SLC35D1: variants seen among roughly 807,000 people sequenced by gnomAD.
SLC35D1 encodes solute carrier family 35 member D1, also known as nucleotide sugar transporter SLC35D1.
SLC35D1 carries 31 observed loss-of-function variants against 46.7 expected under a neutral mutation model. That is an observed-to-expected ratio of 0.66 (90% CI 0.50 to 0.90). SLC35D1 has a LOEUF of 0.90. SLC35D1 is among the 40% of genes least tolerant of loss of function. The pLI, the probability that SLC35D1 is intolerant of heterozygous loss-of-function variation, is 0.00. For missense variants in SLC35D1, 397 were observed against 426.2 expected, an observed-to-expected ratio of 0.93 and a Z score of 0.60; for synonymous variants, 195 against 164.6, an observed-to-expected ratio of 1.18 and a Z score of -1.41.
the SLC35D1 span, among the ~76,000 whole-genome samples, chr1:66,973,756 TTAAATG>T: frequency 6.6e-6 from 1 of 152,126 alleles, no homozygotes. Context: ...GTCTTGGAGA[TTAAATG>T]TAGGAAATTA....
At chr1:67,042,434 C>T (rs954787928) in intron 7 of SLC35D1, 106 bp from the exon 8 acceptor site, 5 of 911,046 alleles carry the variant, frequency 5.5e-6, no homozygotes, top group South Asian at 1.3e-5. Context: ...ACACACACAC[C>T]CTCCCCTACA....
chr1:67,006,887 G>A (rs1269131594), intron 11 of SLC35D1, among the ~76,000 whole-genome samples: 1 of 152,120 alleles, frequency 6.6e-6, no homozygotes, highest in African/African-American at 2.4e-5. Flanking sequence ...TGATCATCCT[G>A]TTATCATTCA....
chr1:66,996,584 A>G (rs1667240467), downstream of SLC35D1, among the ~76,000 whole-genome samples: 1 of 152,182 alleles, frequency 6.6e-6, no homozygotes, highest in South Asian at 2.1e-4. Flanking sequence ...GGCCCCAGTG[A>G]ACTCAGTCTG....
chr1:66,975,177 A>G, the SLC35D1 span, among the ~76,000 whole-genome samples: 7 of 152,236 alleles, frequency 4.6e-5, no homozygotes, highest in African/African-American at 1.7e-4. Context: ...GCAGAAATTT[A>G]TGGGATAAAG....
chr1:67,047,660 A>G (rs1354795907), intron 6 of SLC35D1, among the ~76,000 whole-genome samples: 1 of 152,138 alleles, frequency 6.6e-6, no homozygotes, highest in African/African-American at 2.4e-5. Context: ...AACAAGCACC[A>G]AATTACCATT....
Position 67,009,181 on chromosome 1 carries a change from T to G in SLC35D1, c.877-14A>C. The G allele has an allele frequency of 9.8e-7, 1 of 1,024,740 alleles. No homozygotes were observed. Among genetic ancestry groups the G allele is most frequent in the Non-Finnish European group, 1.5e-6 (1 of 685,500 alleles). 63.5% of individuals were successfully genotyped at this position (1,024,740 alleles called of 1,614,324 possible). A position where few individuals can be genotyped will look rare whatever the true frequency, so the allele number is the denominator to read the frequency against. ...TATTAATATATTCTAAAAATAAAAA[T>G]AGTAATATACTGTTATATAGGTTTA... On this transcript the variant is annotated splice_polypyrimidine_tract_variant and intron_variant, in intron 10 of 11. Transcript: ENST00000235345.
chr1:66,984,663 G>T, the SLC35D1 span: 10 of 1,613,796 alleles, frequency 6.2e-6, no homozygotes, highest in Admixed American at 1.2e-4. Flanking sequence ...GTGGAAATAA[G>T]AAACCACTTC....
At chr1:67,024,106 A>G (rs912407151) in intron 8 of SLC35D1, among the ~76,000 whole-genome samples, 1 of 151,148 alleles carries the variant, frequency 6.6e-6, no homozygotes, top group African/African-American at 2.4e-5. Flanking sequence ...CACCACACCC[A>G]GCTAATTTTT....
intron 10 of SLC35D1, among the ~76,000 whole-genome samples, chr1:67,019,251 C>T (rs1667748700): frequency 6.6e-6 from 1 of 152,136 alleles, no homozygotes; most frequent in African/African-American, 2.4e-5. Context: ...ATGCTGAAGA[C>T]GAAAGCCATC....
intron 8 of SLC35D1, among the ~76,000 whole-genome samples, chr1:67,022,339 G>A (rs1029403768): frequency 6.6e-6 from 1 of 152,134 alleles, no homozygotes; most frequent in Non-Finnish European, 1.5e-5. Context: ...TGCTACTTCC[G>A]CATAAATCTG....
chr1:66,984,961 T>C, the SLC35D1 span: 1 of 1,499,480 alleles, frequency 6.7e-7, no homozygotes, highest in Middle Eastern at 2.1e-4. Context: ...TTTTCAGGGT[T>C]GATGGGTTAC....
the SLC35D1 span, among the ~76,000 whole-genome samples, chr1:66,988,896 A>G: frequency 2.0e-5 from 3 of 152,220 alleles, no homozygotes; most frequent in African/African-American, 4.8e-5. Flanking sequence ...GAAGGCAGCA[A>G]AGTGTTAATG....
At chr1:67,013,944 C>T (rs927130967) in intron 10 of SLC35D1, among the ~76,000 whole-genome samples, 1 of 152,208 alleles carries the variant, frequency 6.6e-6, no homozygotes, top group Non-Finnish European at 1.5e-5. Flanking sequence ...GGTTTCATAG[C>T]ATTTTTCTTT....
rs568429397 is a variant in SLC35D1 at position 67,029,881 on chromosome 1, T to A, written c.730-8279A>T. On this transcript the variant is annotated intron_variant, in intron 8 of 11. Coordinates refer to ENST00000235345, the MANE Select transcript of SLC35D1 (RefSeq NM_015139.3). The stretch of plus-strand genomic sequence containing the variant: ...TTAACTGTTTCTTACACTATCAGTT[T>A]GCCCTGTTTCCTGCGCCCCACGCCC... Among the ~76,000 whole-genome samples, 5 of 152,364 alleles carry A rather than the reference T, an allele frequency of 3.3e-5. No individual in the cohort carries two copies. The East Asian group carries it at 9.6e-4, about 29-fold the overall frequency.
At chr1:66,982,382 GTA>G in the SLC35D1 span, among the ~76,000 whole-genome samples, 1 of 152,092 alleles carries the variant, frequency 6.6e-6, no homozygotes, top group Admixed American at 6.6e-5. Context: ...GATAAAGCCG[GTA>G]TCAACCTGTA....
chr1:67,054,088 T>G lies in SLC35D1; in HGVS notation c.-75A>C, dbSNP rs1346188015. ...CCTGCAGCGGCAGCTCCCAGGGGAC[T>G]CCAGGAGTTGGGGACCGCAGACTAG... is the stretch of plus-strand genomic sequence containing the variant. On this transcript the variant is annotated 5_prime_UTR_variant, in exon 1 of 12. Coordinates refer to ENST00000235345, the MANE Select transcript of SLC35D1 (RefSeq NM_015139.3). 8.7e-6 allele frequency: 13 copies of G among 1,493,210 alleles called. No homozygotes were observed. The highest frequency in any genetic ancestry group is 1.4e-5 in the African/African-American group (1 of 71,438). The allele number at this position is 1,493,210 out of a possible 1,614,324, so 92.5% of individuals were successfully genotyped here.
the SLC35D1 span, chr1:66,985,085 G>T: frequency 7.5e-7 from 1 of 1,326,558 alleles, no homozygotes; most frequent in Non-Finnish European, 9.7e-7. Flanking sequence ...AAAGCTGTCA[G>T]ACTCTTTTAA....
chr1:67,013,106 C>T (rs2102249950), intron 10 of SLC35D1, among the ~76,000 whole-genome samples: 1 of 110,124 alleles, frequency 9.1e-6, no homozygotes, highest in African/African-American at 4.3e-5. Context: ...TAATTAAAAA[C>T]TGATATTCAA....
At chr1:67,030,788 T>C (rs548466719) in intron 8 of SLC35D1, among the ~76,000 whole-genome samples, 2 of 152,188 alleles carry the variant, frequency 1.3e-5, no homozygotes, top group Non-Finnish European at 2.9e-5. Context: ...ATGCTAAAGA[T>C]GGTTTAATCA....
Sources: gnomAD v4.1 joint callset for allele counts (sites outside exome capture counted in the v4.1 genomes callset) on GRCh38, gnomAD v4.1.1 for gene constraint, MANE v1.5 for transcripts, NCBI Gene and HGNC (gene_info 2026-07-23, HGNC 2026-07-21) for gene names.